The following MSI2 variants were observed in gnomAD, a reference collection of about 807,000 sequenced individuals.
MSI2 encodes musashi RNA binding protein 2, also known as RNA-binding protein Musashi homolog 2.
Under a neutral mutation model 45.6 loss-of-function variants are expected in MSI2, and 17 were observed. That is an observed-to-expected ratio of 0.37 (90% CI 0.26 to 0.56). MSI2 has a LOEUF of 0.56. Ranked by LOEUF, MSI2 falls within the 20% of genes least tolerant of loss-of-function variation. MSI2 has a pLI of 0.77. For synonymous variants in MSI2, 156 were observed against 158.2 expected, an observed-to-expected ratio of 0.99 and a Z score of 0.11; for missense variants, 293 against 444.2, an observed-to-expected ratio of 0.66 and a Z score of 3.06.
Position 57,684,084 on chromosome 17 carries a change from G to C in MSI2, c.*4567G>C. 1 of 221,310 alleles carries C rather than the reference G, an allele frequency of 4.5e-6. No individual in the cohort carries two copies. The highest frequency in any genetic ancestry group is 9.1e-6 in the Non-Finnish European group (1 of 110,470). 13.7% of individuals were successfully genotyped at this position (221,310 alleles called of 1,614,324 possible). A position where few individuals can be genotyped will look rare whatever the true frequency, so the allele number is the denominator to read the frequency against. On this transcript the variant is annotated 3_prime_UTR_variant, in exon 14 of 14. Coordinates refer to ENST00000284073, the MANE Select transcript of MSI2 (RefSeq NM_138962.4). The stretch of plus-strand genomic sequence containing the variant: ...ATGTATTGTCTCAGACAGGATTTCA[G>C]TTCCGGGAGGCAGGGGCATGATGGG...
chr17:57,274,012 G>A (rs1388918533), intron 5 of MSI2, among the ~76,000 whole-genome samples: 1 of 152,216 alleles, frequency 6.6e-6, no homozygotes, highest in East Asian at 1.9e-4. Context: ...GCTTCCTAGA[G>A]ACCTGCTCCT....
At chr17:57,375,043 C>T (rs1207133027) in intron 5 of MSI2, among the ~76,000 whole-genome samples, 14 of 152,114 alleles carry the variant, frequency 9.2e-5, no homozygotes, top group African/African-American at 2.4e-4. Flanking sequence ...GTTGGTGTGG[C>T]GGCTGAGTGC....
At chr17:57,426,441 A>G (rs929371679) in intron 6 of MSI2, among the ~76,000 whole-genome samples, 1 of 152,196 alleles carries the variant, frequency 6.6e-6, no homozygotes, top group Non-Finnish European at 1.5e-5. Flanking sequence ...CTCACGGCAC[A>G]TGGGGCAGTG....
chr17:57,399,849 G>A (rs1416555547), intron 5 of MSI2, among the ~76,000 whole-genome samples: 1 of 152,202 alleles, frequency 6.6e-6, no homozygotes, highest in Non-Finnish European at 1.5e-5. Flanking sequence ...AGACCCAGGA[G>A]CTGGATTTCC....
intron 7 of MSI2, among the ~76,000 whole-genome samples, chr17:57,580,345 G>T (rs541866095): frequency 6.6e-6 from 1 of 152,308 alleles, no homozygotes; most frequent in East Asian, 1.9e-4. Flanking sequence ...CTGACTGACT[G>T]CTTTTGTGTT....
chr17:57,361,645 AATAT>A (rs1390581739), intron 5 of MSI2, among the ~76,000 whole-genome samples: 1 of 152,026 alleles, frequency 6.6e-6, no homozygotes, highest in African/African-American at 2.4e-5. Context: ...AGGAAGAGAA[AATAT>A]ATTTACTATT....
intron 5 of MSI2, among the ~76,000 whole-genome samples, chr17:57,384,280 A>AGGG: frequency 6.6e-6 from 1 of 152,284 alleles, no homozygotes; most frequent in South Asian, 2.1e-4. Context: ...CTTGAAATCA[A>AGGG]GGGGAGACAT....
At chr17:57,633,114 T>C (rs555354377) in intron 10 of MSI2, 2 of 1,029,192 alleles carry the variant, frequency 1.9e-6, no homozygotes, top group African/African-American at 3.4e-5. Context: ...TCTGTGCTTC[T>C]CCCTGATGAC....
intron 8 of MSI2, among the ~76,000 whole-genome samples, chr17:57,607,697 A>G (rs190925763): frequency 2.0e-5 from 3 of 152,226 alleles, no homozygotes; most frequent in Non-Finnish European, 4.4e-5. Flanking sequence ...TAATTTATTT[A>G]AAAAAGAAGT....
At chr17:57,348,413 G>A (rs1381567141) in intron 5 of MSI2, among the ~76,000 whole-genome samples, 1 of 152,190 alleles carries the variant, frequency 6.6e-6, no homozygotes. Flanking sequence ...ATGTTGAAAT[G>A]TGATTTGCAA....
At chr17:57,408,753 A>T (rs1326419430) in intron 6 of MSI2, among the ~76,000 whole-genome samples, 1 of 152,180 alleles carries the variant, frequency 6.6e-6, no homozygotes, top group African/African-American at 2.4e-5. Flanking sequence ...TGTACCAGAA[A>T]TCATGGTTCA....
intron 6 of MSI2, among the ~76,000 whole-genome samples, chr17:57,500,395 G>A (rs1232889381): frequency 2.7e-5 from 4 of 148,294 alleles, no homozygotes; most frequent in Admixed American, 1.3e-4. Context: ...AATGAGTTGC[G>A]TCTTTTTTTT....
chr17:57,291,360 C>T (rs750400169), intron 5 of MSI2, among the ~76,000 whole-genome samples: 1 of 152,090 alleles, frequency 6.6e-6, no homozygotes, highest in African/African-American at 2.4e-5. Flanking sequence ...ACTATTCTTC[C>T]GTATAGCAGA....
intron 6 of MSI2, among the ~76,000 whole-genome samples, chr17:57,441,297 G>A (rs968829584): frequency 5.9e-5 from 9 of 152,152 alleles, no homozygotes; most frequent in African/African-American, 2.2e-4. Flanking sequence ...GCTGCCCTGA[G>A]GCTCTTGAAT....
At chr17:57,700,270 G>T in the MSI2 span, among the ~76,000 whole-genome samples, 1 of 152,210 alleles carries the variant, frequency 6.6e-6, no homozygotes, top group Non-Finnish European at 1.5e-5. Flanking sequence ...ATGCCGGCTT[G>T]TGTAAAGTAG....
At chr17:57,498,941 C>G (rs1327567975) in intron 6 of MSI2, among the ~76,000 whole-genome samples, 1 of 136,910 alleles carries the variant, frequency 7.3e-6, no homozygotes, top group Admixed American at 7.4e-5. Context: ...CAACAGGCCC[C>G]GGTGTGTGAT....
chr17:57,581,167 C>T (rs761398434), intron 7 of MSI2, among the ~76,000 whole-genome samples: 1 of 151,960 alleles, frequency 6.6e-6, no homozygotes, highest in Non-Finnish European at 1.5e-5. Flanking sequence ...CGTGTGCCAC[C>T]ACGCCTGGCT....
chr17:57,661,151 T>C (rs988518212), intron 11 of MSI2, among the ~76,000 whole-genome samples: 21 of 152,224 alleles, frequency 1.4e-4, no homozygotes, highest in African/African-American at 5.1e-4. Context: ...CTCAACATCA[T>C]GCTAGGGGCT....
intron 5 of MSI2, among the ~76,000 whole-genome samples, chr17:57,272,481 G>A (rs12601166): frequency 0.066 from 10,000 of 152,134 alleles, 367 homozygotes; most frequent in East Asian, 0.073. Flanking sequence ...TACAGATCCC[G>A]CCCCTCCAAA....
Sources: gnomAD v4.1 joint callset for allele counts (sites outside exome capture counted in the v4.1 genomes callset) on GRCh38, gnomAD v4.1.1 for gene constraint, MANE v1.5 for transcripts, NCBI Gene and HGNC (gene_info 2026-07-23, HGNC 2026-07-21) for gene names.